TSTD2: variants seen among roughly 807,000 people sequenced by gnomAD.
TSTD2 encodes the protein thiosulfate sulfurtransferase like domain containing 2.
Under a neutral mutation model 47.9 loss-of-function variants are expected in TSTD2, and 37 were observed. The observed-to-expected ratio is 0.77, with a 90% CI of 0.59 to 1.02. The LOEUF (loss-of-function observed/expected upper bound fraction) is 1.02, where lower values mean the gene tolerates loss of function less well. Among genes scored for constraint, TSTD2 ranks in the 50% least tolerant of loss-of-function variants. TSTD2 has a pLI of 0.00. For synonymous variants in TSTD2, 201 were observed against 215.9 expected (o/e 0.93, Z 0.61); for missense variants, 586 against 616.0 (o/e 0.95, Z 0.52).
At chr9:97,608,860 C>A (rs186189458) in intron 6 of TSTD2, among the ~76,000 whole-genome samples, 1 of 152,290 alleles carries the variant, frequency 6.6e-6, no homozygotes, top group East Asian at 1.9e-4. Context: ...AATCCCGTTT[C>A]CCCCTGGCTT....
chr9:97,613,398 C>T (rs1009502868), intron 4 of TSTD2, among the ~76,000 whole-genome samples: 4 of 152,122 alleles, frequency 2.6e-5, no homozygotes, highest in Non-Finnish European at 5.9e-5. Context: ...GCACTCAATA[C>T]GATTTGTTGA....
At chr9:97,605,391 A>T in intron 8 of TSTD2, 92 bp downstream of exon 8, 2 of 1,496,030 alleles carry the variant, frequency 1.3e-6, no homozygotes, top group Non-Finnish European at 1.8e-6. Flanking sequence ...GGGGGTGGGG[A>T]GTACTGGGGG....
intron 3 of TSTD2, among the ~76,000 whole-genome samples, chr9:97,619,293 T>C (rs1279446487): frequency 2.0e-5 from 3 of 152,172 alleles, no homozygotes; most frequent in Non-Finnish European, 4.4e-5. Context: ...CAAAAATTGA[T>C]CAAATTTGGA....
intron 3 of TSTD2, among the ~76,000 whole-genome samples, chr9:97,623,807 A>G (rs1826676067): frequency 6.6e-6 from 1 of 152,192 alleles, no homozygotes. Context: ...AAGTGAGCCA[A>G]GATCACACCA....
Position 97,600,444 on chromosome 9 carries a change from A to G in TSTD2, c.*2025T>C, listed in dbSNP as rs1826231040. ...GGATTTATGTACAATTTAATACTGG[A>G]GTTAGAACTTTTTCCTTATTGAATG... On this transcript the variant is annotated 3_prime_UTR_variant, in exon 10 of 10. Coordinates refer to ENST00000341170, the MANE Select transcript of TSTD2 (RefSeq NM_139246.5). The G allele has an allele frequency of 1.0e-6, 1 of 985,540 alleles. No homozygotes were observed. Among genetic ancestry groups the G allele is most frequent in the Non-Finnish European group, 1.2e-6 (1 of 830,102 alleles). The allele number at this position is 985,540 out of a possible 1,614,324, so 61.0% of individuals were successfully genotyped here.
chr9:97,610,488 T>C (rs942062494), intron 5 of TSTD2, 37 bp from the exon 6 acceptor site: 1 of 1,436,820 alleles, frequency 7.0e-7, no homozygotes, highest in Non-Finnish European at 9.3e-7. Context: ...ACAGTCTTGC[T>C]GTCCCATCTC....
chr9:97,616,427 T>G (rs1208616414), intron 4 of TSTD2, among the ~76,000 whole-genome samples: 1 of 152,026 alleles, frequency 6.6e-6, no homozygotes, highest in African/African-American at 2.4e-5. Context: ...TATGGCTGTG[T>G]GGAGAATGGA....
At chr9:97,627,128 CTTTG>C (rs1274515338) in intron 2 of TSTD2, among the ~76,000 whole-genome samples, 1 of 152,008 alleles carries the variant, frequency 6.6e-6, no homozygotes, top group Non-Finnish European at 1.5e-5. Flanking sequence ...TGGTTTTCAA[CTTTG>C]TTTATGGTCT....
rs376001003 is a variant in TSTD2 at position 97,624,930 on chromosome 9, CT to C, written c.482+750del. Among the ~76,000 whole-genome samples the C allele has an allele frequency of 5.1e-3, 780 of 151,872 alleles. 6 individuals carry two copies. Among genetic ancestry groups the C allele is most frequent in the African/African-American group, 0.018 (746 of 41,420 alleles). On this transcript the variant is annotated intron_variant, in intron 3 of 9. Coordinates refer to ENST00000341170, the MANE Select transcript of TSTD2 (RefSeq NM_139246.5). ...ATATCTAGCTTAAAAGAAACCCCCC[CT>C]TTTTTTTGCTTAGTTTTTCCTGCCC...
chr9:97,632,117 T>G (rs972039351), intron 1 of TSTD2, among the ~76,000 whole-genome samples: 1 of 152,128 alleles, frequency 6.6e-6, no homozygotes, highest in African/African-American at 2.4e-5. Context: ...AAATATAATA[T>G]TCGTTGAATG....
intron 1 of TSTD2, 122 bp downstream of exon 1, chr9:97,633,100 CCGGCCTTTCCATACCAAGGGG>C (rs1410237235): frequency 6.5e-6 from 1 of 153,332 alleles, no homozygotes; most frequent in African/African-American, 2.4e-5. Flanking sequence ...CGCGTCAGGG[CCGGCCTTTCCATACCAAGGGG>C]CGGCACGTGC....
intron 3 of TSTD2, among the ~76,000 whole-genome samples, chr9:97,623,181 T>C (rs1481253515): frequency 6.6e-6 from 1 of 152,198 alleles, no homozygotes; most frequent in South Asian, 2.1e-4. Flanking sequence ...GTCTTTCCCA[T>C]GTTGTTCTTG....
intron 4 of TSTD2, among the ~76,000 whole-genome samples, chr9:97,613,118 T>C (rs937916572): frequency 3.3e-5 from 5 of 152,200 alleles, no homozygotes; most frequent in African/African-American, 1.2e-4. Context: ...AGAAAGTTAA[T>C]TGACTTCTCT....
At position 97,617,945 on chromosome 9, in the gene TSTD2, A is replaced by G. The variant is rs3750370; in HGVS notation, c.483-68T>C. 43,861 of 1,563,830 alleles carry G rather than the reference A, an allele frequency of 0.028. 6,224 individuals carry two copies. In the African/African-American group the frequency reaches 0.37, roughly 13 times the overall value. ...GCATAAAGAAGTCACAATTCATAAA[A>G]TACACCCAGGCAGTCTGAGGGAAGG... On this transcript the variant is annotated intron_variant, in intron 3 of 9. Coordinates refer to ENST00000341170, the MANE Select transcript of TSTD2 (RefSeq NM_139246.5).
chr9:97,632,159 G>T (rs1468881291), intron 1 of TSTD2, among the ~76,000 whole-genome samples: 1 of 152,202 alleles, frequency 6.6e-6, no homozygotes, highest in Admixed American at 6.5e-5. Flanking sequence ...ACCAAAGAAG[G>T]CCTCACTAAG....
At chr9:97,622,408 G>C (rs568403334) in intron 3 of TSTD2, among the ~76,000 whole-genome samples, 4 of 152,366 alleles carry the variant, frequency 2.6e-5, no homozygotes, top group Admixed American at 2.0e-4. Context: ...TGCCCAGGCA[G>C]AAGTTTGCTG....
At chr9:97,630,634 T>A (rs149709284) in intron 1 of TSTD2, among the ~76,000 whole-genome samples, 1,673 of 152,314 alleles carry the variant, frequency 0.011, 21 homozygotes, top group African/African-American at 0.037. Context: ...GGTGATCTCA[T>A]CTACTTCCAA....
rs534990739 is a variant in TSTD2 at position 97,614,439 on chromosome 9, G to A, written c.604-2740C>T. 1.4e-3 allele frequency among the ~76,000 whole-genome samples: 218 copies of A among 151,134 alleles called. 2 individuals carry two copies. The highest frequency in any genetic ancestry group is 5.1e-3 in the African/African-American group (207 of 40,504). On this transcript the variant is annotated intron_variant, in intron 4 of 9. Transcript: ENST00000341170. ...CTACTGAGGGTCTACTACATGCTAA[G>A]CTCTGTTCCAGCACTGAGAATACAT...
At chr9:97,612,318 T>G (rs969334874) in intron 4 of TSTD2, among the ~76,000 whole-genome samples, 1 of 152,252 alleles carries the variant, frequency 6.6e-6, no homozygotes, top group African/African-American at 2.4e-5. Flanking sequence ...TGCATACATG[T>G]GTCTTTATAA....
Sources: allele counts gnomAD v4.1 joint callset (sites outside exome capture counted in the v4.1 genomes callset), GRCh38; gene constraint gnomAD v4.1.1; transcripts MANE v1.5; gene names NCBI Gene and HGNC (gene_info 2026-07-23, HGNC 2026-07-21).